The following HK1 variants were observed in gnomAD, a reference collection of about 807,000 sequenced individuals.
The protein encoded by HK1 is hexokinase-1.
In HK1, 28 loss-of-function variants were observed where a neutral mutation model predicts 91.6. The ratio of observed to expected loss-of-function variants is 0.31; its 90% CI spans 0.23 to 0.42. The LOEUF is 0.42. HK1 is among the 10% of genes least tolerant of loss of function. The probability of loss-of-function intolerance (pLI) is 1.00; values close to 1 mark genes in which losing one functional copy is unlikely to be tolerated. For synonymous variants in HK1, 430 were observed against 468.1 expected, an observed-to-expected ratio of 0.92 and a Z score of 1.05; for missense variants, 770 against 1,219.8, an observed-to-expected ratio of 0.63 and a Z score of 5.49.
At chr10:69,370,315 G>A (rs1423175321) in intron 7 of HK1, among the ~76,000 whole-genome samples, 4 of 151,078 alleles carry the variant, frequency 2.6e-5, no homozygotes, top group African/African-American at 9.8e-5. Flanking sequence ...GAGCCCAGGA[G>A]CTCAGTAGCC....
At chr10:69,312,794 C>G (rs998737010), upstream of HK1, among the ~76,000 whole-genome samples, 2 of 152,172 alleles carry the variant, frequency 1.3e-5, no homozygotes, top group Non-Finnish European at 2.9e-5. Flanking sequence ...AATTGTTCCC[C>G]CAGGGGCATC....
intron 1 of HK1, among the ~76,000 whole-genome samples, chr10:69,334,442 G>A (rs1847877770): frequency 6.6e-6 from 1 of 152,178 alleles, no homozygotes; most frequent in African/African-American, 2.4e-5. Context: ...GTCCCTCTGG[G>A]CCTCAGCCAT....
chr10:69,304,249 TATC>T (rs1315135995), intron 5 of HK1, among the ~76,000 whole-genome samples: 17 of 151,924 alleles, frequency 1.1e-4, no homozygotes, highest in African/African-American at 4.1e-4. Flanking sequence ...AAAGGGCTGT[TATC>T]ATCTTGTTGT....
At chr10:69,377,640 T>C (rs1214056275) in intron 8 of HK1, among the ~76,000 whole-genome samples, 1 of 152,138 alleles carries the variant, frequency 6.6e-6, no homozygotes, top group East Asian at 1.9e-4. Context: ...AATATTATGG[T>C]AAAATAAATA....
intron 5 of HK1, 77 bp downstream of exon 5, chr10:69,368,708 C>A: frequency 1.7e-6 from 2 of 1,152,732 alleles, no homozygotes; most frequent in Non-Finnish European, 2.6e-6. Context: ...CAGACCAGTG[C>A]CCTTCCTGGG....
At chr10:69,283,635 G>T (rs112309554) in intron 2 of HK1, among the ~76,000 whole-genome samples, 1 of 150,536 alleles carries the variant, frequency 6.6e-6, no homozygotes. Context: ...ACAAAAATTA[G>T]CCAGGCATGG....
chr10:69,383,508 A>G (rs1444650278), intron 10 of HK1, among the ~76,000 whole-genome samples: 3 of 152,242 alleles, frequency 2.0e-5, no homozygotes, highest in East Asian at 1.9e-4. Flanking sequence ...CTAATACCAC[A>G]TTATAAGCCA....
At chr10:69,338,113 G>C (rs572561180) in intron 1 of HK1, 92 of 323,770 alleles carry the variant, frequency 2.8e-4, no homozygotes, top group African/African-American at 1.7e-3. Context: ...TGCTCTGCGG[G>C]GGTCCAACTT....
intron 4 of HK1, among the ~76,000 whole-genome samples, chr10:69,365,196 T>C (rs1849638500): frequency 6.6e-6 from 1 of 152,086 alleles, no homozygotes; most frequent in Non-Finnish European, 1.5e-5. Flanking sequence ...GTTTTAATGG[T>C]GGTGGAGAGA....
At chr10:69,313,502 G>T (rs924463547), upstream of HK1, among the ~76,000 whole-genome samples, 3 of 151,918 alleles carry the variant, frequency 2.0e-5, no homozygotes, top group African/African-American at 7.3e-5. Flanking sequence ...CGCTTTTGTG[G>T]CCCAGACTGG....
intron 1 of HK1, among the ~76,000 whole-genome samples, chr10:69,329,984 C>T (rs923851973): frequency 5.3e-5 from 8 of 151,576 alleles, no homozygotes; most frequent in African/African-American, 1.9e-4. Context: ...ATTTGTCTCC[C>T]TCTCCCATTC....
intron 7 of HK1, among the ~76,000 whole-genome samples, chr10:69,372,110 A>G (rs904184771): frequency 9.2e-5 from 14 of 152,080 alleles, no homozygotes; most frequent in Non-Finnish European, 1.9e-4. Context: ...GTGCAGGGGA[A>G]CTCCTCTTTA....
intron 3 of HK1, chr10:69,295,542 C>A (rs557273850): frequency 6.9e-6 from 6 of 864,480 alleles, no homozygotes; most frequent in Middle Eastern, 2.6e-4. Context: ...GTTTTCTGAG[C>A]GTGATTGATT....
At position 69,377,093 on chromosome 10, in the gene HK1, G is replaced by A. The variant is rs1335466548; in HGVS notation, c.1031+4G>A. Reference sequence around the variant, plus strand: ...GTGATGTGTCAGCCATCGAAAAGTAGGTACCATCCCCTCAAGGCTTTCTTG... The same window carrying A: ...GTGATGTGTCAGCCATCGAAAAGTAAGTACCATCCCCTCAAGGCTTTCTTG... On this transcript the variant is annotated splice_donor_region_variant and intron_variant, in intron 8 of 17. Coordinates refer to ENST00000359426, the MANE Select transcript of HK1 (RefSeq NM_000188.3). The A allele has an allele frequency of 6.2e-7, 1 of 1,613,994 alleles. No individual in the cohort carries two copies. The highest frequency in any genetic ancestry group is 1.3e-5 in the African/African-American group (1 of 74,920).
intron 4 of HK1, chr10:69,300,477 T>C: frequency 1.2e-6 from 1 of 845,482 alleles, no homozygotes; most frequent in South Asian, 1.4e-5. Flanking sequence ...TTCGTCTTGC[T>C]TCTTTATGGT....
intron 8 of HK1, among the ~76,000 whole-genome samples, chr10:69,378,488 G>C (rs757676986): frequency 6.6e-6 from 1 of 151,988 alleles, no homozygotes; most frequent in Non-Finnish European, 1.5e-5. Flanking sequence ...AAAGGTATGA[G>C]AATCAAAAAA....
chr10:69,339,353 A>G (rs72805692), intron 1 of HK1, among the ~76,000 whole-genome samples: 10,651 of 152,296 alleles, frequency 0.07, 528 homozygotes, highest in Non-Finnish European at 0.11. Context: ...CCCGAGGACC[A>G]GTGGAAAGAA....
intron 1 of HK1, 138 bp downstream of exon 1, chr10:69,319,148 A>C: frequency 9.8e-7 from 1 of 1,023,976 alleles, no homozygotes; most frequent in Non-Finnish European, 1.5e-6. Context: ...GGGCGCAAGG[A>C]AAGCCTTCGC....
rs545684766 is a variant in HK1 at position 69,349,659 on chromosome 10, G to A, written c.226+5670G>A. ...CCCTGAGCTAGCCACATAAAATGTGGGTGAGACCACAGGCTACAGCTCCAG... is the reference window on the plus strand; with the variant it reads ...CCCTGAGCTAGCCACATAAAATGTGAGTGAGACCACAGGCTACAGCTCCAG... On this transcript the variant is annotated intron_variant, in intron 2 of 17. Transcript: ENST00000359426. 1.1e-4 allele frequency among the ~76,000 whole-genome samples: 16 copies of A among 152,276 alleles called. No homozygotes were observed. The South Asian group carries it at 3.3e-3, about 32-fold the overall frequency.
Sources: gnomAD v4.1 joint callset for allele counts (sites outside exome capture counted in the v4.1 genomes callset) on GRCh38, gnomAD v4.1.1 for gene constraint, MANE v1.5 for transcripts, NCBI Gene and HGNC (gene_info 2026-07-23, HGNC 2026-07-21) for gene names.